The following CCBE1 variants were observed in gnomAD, a reference collection of about 807,000 sequenced individuals.
CCBE1 encodes collagen and calcium binding EGF domains 1.
In CCBE1, 37 loss-of-function variants were observed where a neutral mutation model predicts 50.0. That is an observed-to-expected ratio of 0.74 (90% CI 0.57 to 0.97). The LOEUF is 0.97. CCBE1 is among the 50% of genes least tolerant of loss of function. The probability of loss-of-function intolerance (pLI) is 0.00; values close to 1 mark genes in which losing one functional copy is unlikely to be tolerated. For synonymous variants in CCBE1, 234 were observed against 203.7 expected (o/e 1.15, Z -1.27); for missense variants, 538 against 523.8 (o/e 1.03, Z -0.26).
chr18:59,466,505 C>T (rs967753529), intron 5 of CCBE1, among the ~76,000 whole-genome samples: 5 of 151,608 alleles, frequency 3.3e-5, no homozygotes, highest in Non-Finnish European at 7.4e-5. Flanking sequence ...AGTGTGAGAA[C>T]GAACTTATAC....
intron 2 of CCBE1, among the ~76,000 whole-genome samples, chr18:59,592,038 CTT>C (rs1038000398): frequency 6.6e-6 from 1 of 152,146 alleles, no homozygotes; most frequent in African/African-American, 2.4e-5. Flanking sequence ...GCAGTCAAAA[CTT>C]TGTTTCATGC....
chr18:59,517,679 T>G (rs1356306602), intron 2 of CCBE1, among the ~76,000 whole-genome samples: 1 of 152,198 alleles, frequency 6.6e-6, no homozygotes, highest in African/African-American at 2.4e-5. Flanking sequence ...TAGACTCATT[T>G]ATAAGCACCA....
At chr18:59,579,585 C>T (rs913572494) in intron 2 of CCBE1, among the ~76,000 whole-genome samples, 1 of 152,174 alleles carries the variant, frequency 6.6e-6, no homozygotes, top group African/African-American at 2.4e-5. Context: ...ATGCATTTGT[C>T]CACATTTATG....
intron 2 of CCBE1, among the ~76,000 whole-genome samples, chr18:59,658,346 AAAAAAAAAATATATATATATATAT>A: frequency 2.5e-5 from 1 of 40,088 alleles, no homozygotes; most frequent in Non-Finnish European, 4.2e-5. Flanking sequence ...AAAAAAAAAA[AAAAAAAAAATATATATATATATAT>A]ATATATATAT....
intron 10 of CCBE1, among the ~76,000 whole-genome samples, chr18:59,437,810 T>G (rs1255316127): frequency 2.0e-5 from 3 of 151,940 alleles, no homozygotes; most frequent in Non-Finnish European, 4.4e-5. Flanking sequence ...AAATGTTTTA[T>G]GATAATACTT....
At chr18:59,645,811 C>A (rs2054047839) in intron 2 of CCBE1, among the ~76,000 whole-genome samples, 1 of 152,166 alleles carries the variant, frequency 6.6e-6, no homozygotes, top group Non-Finnish European at 1.5e-5. Flanking sequence ...GTGGGCGGAT[C>A]ACAAGATCAG....
chr18:59,696,570 G>A (rs370535729), intron 2 of CCBE1, 59 bp downstream of exon 2: 5 of 1,608,124 alleles, frequency 3.1e-6, no homozygotes, highest in Non-Finnish European at 4.2e-6. Context: ...TTACAGCGCC[G>A]CCTCCCCAGC....
chr18:59,539,194 C>CAAAA (rs34047100), intron 2 of CCBE1, among the ~76,000 whole-genome samples: 41 of 137,632 alleles, frequency 3.0e-4, no homozygotes, highest in African/African-American at 1.0e-3. Context: ...AACACACACA[C>CAAAA]ACACACAAAA....
At chr18:59,524,487 G>T (rs953672182) in intron 2 of CCBE1, among the ~76,000 whole-genome samples, 1 of 152,050 alleles carries the variant, frequency 6.6e-6, no homozygotes, top group South Asian at 2.1e-4. Flanking sequence ...TCAACCAGAA[G>T]GATAGAAACA....
In CCBE1 at chr18:59,640,162, C is replaced by T. The variant is rs62094385; in HGVS notation, c.212+56467G>A. On this transcript the variant is annotated intron_variant, in intron 2 of 10. Transcript: ENST00000439986. ...TTAAAATTCATTATGGAGCCAAGAA[C>T]GAGTCTGAATAGCCAAGGCGATTCT... Among the ~76,000 whole-genome samples, 451 of 152,266 alleles carry T rather than the reference C, an allele frequency of 3.0e-3. 3 individuals are homozygous for T. Among genetic ancestry groups the T allele is most frequent in the Non-Finnish European group, 4.1e-3 (278 of 68,026 alleles).
At chr18:59,641,195 TACATGGAATCAA>T (rs1370384927) in intron 2 of CCBE1, among the ~76,000 whole-genome samples, 1 of 151,422 alleles carries the variant, frequency 6.6e-6, no homozygotes, top group Non-Finnish European at 1.5e-5. Flanking sequence ...CAATAGCAAA[TACATGGAATCAA>T]CTGAATGCCA....
At chr18:59,658,051 A>C (rs1402492321) in intron 2 of CCBE1, among the ~76,000 whole-genome samples, 1 of 151,932 alleles carries the variant, frequency 6.6e-6, no homozygotes, top group African/African-American at 2.4e-5. Flanking sequence ...TCTGACACTT[A>C]TAAGCTGTGT....
chr18:59,560,764 G>A (rs867290397), intron 2 of CCBE1, among the ~76,000 whole-genome samples: 8 of 152,308 alleles, frequency 5.3e-5, no homozygotes, highest in Middle Eastern at 3.4e-3. Flanking sequence ...CAGTTGTCAC[G>A]TGGACAACTT....
intron 2 of CCBE1, among the ~76,000 whole-genome samples, chr18:59,598,592 C>G (rs2053388084): frequency 6.6e-6 from 1 of 152,224 alleles, no homozygotes; most frequent in African/African-American, 2.4e-5. Context: ...ATCTACAGTA[C>G]TACTTCTGTG....
intron 2 of CCBE1, among the ~76,000 whole-genome samples, chr18:59,603,959 T>G (rs1383692574): frequency 6.6e-6 from 1 of 152,214 alleles, no homozygotes; most frequent in Non-Finnish European, 1.5e-5. Flanking sequence ...AGTGCTGTTG[T>G]AAAAATGAAG....
rs952781980 is a variant in CCBE1, at chr18:59,454,902, T to A, written c.603A>T (p.Thr201=). Reference sequence around the variant, plus strand: ...GCTTCATCTGGTAGAACTCCTTGCATGTGGCACAGCAAGTTCCGGCTTTCA... The same window carrying A: ...GCTTCATCTGGTAGAACTCCTTGCAAGTGGCACAGCAAGTTCCGGCTTTCA... ...NMVKAGTCCA[T]CKEFYQMKQT... The change falls in exon 6 of 11, where the codon ACA becomes ACT. Residue 201 remains threonine (T), a synonymous_variant. Coordinates refer to ENST00000439986, the MANE Select transcript of CCBE1 (RefSeq NM_133459.4). The A allele has an allele frequency of 6.2e-7, 1 of 1,614,240 alleles. No individual in the cohort carries two copies. Among genetic ancestry groups the A allele is most frequent in the African/African-American group, 1.3e-5 (1 of 75,072 alleles).
At chr18:59,522,241 C>G (rs1914632306) in intron 2 of CCBE1, among the ~76,000 whole-genome samples, 4 of 151,848 alleles carry the variant, frequency 2.6e-5, no homozygotes, top group Admixed American at 2.6e-4. Flanking sequence ...ATCGTAAGTC[C>G]TCACTTCACA....
chr18:59,645,409 G>A (rs1045303756), intron 2 of CCBE1, among the ~76,000 whole-genome samples: 12 of 152,168 alleles, frequency 7.9e-5, no homozygotes, highest in African/African-American at 2.4e-4. Flanking sequence ...AGTCCCTCCT[G>A]CTTCTCAGTG....
At chr18:59,499,991 G>T (rs1170506666) in intron 2 of CCBE1, among the ~76,000 whole-genome samples, 5 of 152,190 alleles carry the variant, frequency 3.3e-5, no homozygotes, top group Admixed American at 2.6e-4. Context: ...CTGTCGGGGA[G>T]TATGTATTAT....
Sources: gnomAD v4.1 joint callset for allele counts (sites outside exome capture counted in the v4.1 genomes callset) on GRCh38, gnomAD v4.1.1 for gene constraint, MANE v1.5 for transcripts, NCBI Gene and HGNC (gene_info 2026-07-23, HGNC 2026-07-21) for gene names.